The following PCDHA10 variants were observed in gnomAD, a reference collection of about 807,000 sequenced individuals.
PCDHA10 encodes the protein protocadherin alpha 10.
PCDHA10 carries 45 observed loss-of-function variants against 61.2 expected under a neutral mutation model. The ratio of observed to expected loss-of-function variants is 0.74; its 90% CI spans 0.58 to 0.94. The LOEUF (loss-of-function observed/expected upper bound fraction) is 0.94, where lower values mean the gene tolerates loss of function less well. PCDHA10 is among the 40% of genes least tolerant of loss of function. The pLI is 0.00. For missense variants in PCDHA10, 1,278 were observed against 1,236.2 expected (o/e 1.03, Z -0.51); for synonymous variants, 602 against 548.8 (o/e 1.10, Z -1.35).
Position 140,978,933 on chromosome 5 carries a change from CTT to C in PCDHA10, c.2389-14_2389-13del, listed in dbSNP as rs1179085898. On this transcript the variant is annotated splice_polypyrimidine_tract_variant and intron_variant, in intron 1 of 3. Coordinates refer to ENST00000307360, the MANE Select transcript of PCDHA10 (RefSeq NM_018901.4). The stretch of plus-strand genomic sequence containing the variant: ...TCTTGTCATTTTAACAGAAAACTCT[CTT>C]TGTGATTTTGCAGCCACGACAGCCC... 1.2e-6 allele frequency: 2 copies of C among 1,613,976 alleles called. No individual in the cohort carries two copies. The highest frequency in any genetic ancestry group is 2.7e-5 in the African/African-American group (2 of 74,920).
chr5:140,868,121 C>T (rs920378220), intron 1 of PCDHA10: 1 of 151,814 alleles, frequency 6.6e-6, no homozygotes, highest in Non-Finnish European at 1.5e-5. Flanking sequence ...AGTTGAAAAG[C>T]CTATTTCTGT....
At chr5:140,981,766 T>C (rs1321747581) in intron 2 of PCDHA10, among the ~76,000 whole-genome samples, 7 of 152,144 alleles carry the variant, frequency 4.6e-5, no homozygotes, top group Non-Finnish European at 1.0e-4. Flanking sequence ...CATACATAAA[T>C]GAATACTGCA....
intron 1 of PCDHA10, chr5:140,877,774 G>T (rs782686661): frequency 1.2e-6 from 2 of 1,614,176 alleles, no homozygotes; most frequent in South Asian, 2.2e-5. Context: ...GCCCAAGACG[G>T]ACCTCATGGC....
intron 1 of PCDHA10, chr5:140,926,922 T>A: frequency 6.4e-7 from 1 of 1,570,576 alleles, no homozygotes; most frequent in Non-Finnish European, 8.7e-7. Flanking sequence ...CAGTTTTATG[T>A]TTGTGGGTTT....
At chr5:140,925,537 A>G (rs1325632505) in intron 1 of PCDHA10, among the ~76,000 whole-genome samples, 4 of 152,070 alleles carry the variant, frequency 2.6e-5, no homozygotes, top group Non-Finnish European at 2.9e-5. Flanking sequence ...GAGGAGAAAT[A>G]CCTAATGTAA....
intron 1 of PCDHA10, chr5:140,877,128 G>C (rs782052511): frequency 3.1e-6 from 5 of 1,613,762 alleles, no homozygotes; most frequent in Non-Finnish European, 4.2e-6. Flanking sequence ...TGACGCTGCA[G>C]GTGTTCGTGC....
chr5:140,870,514 T>C lies in PCDHA10; in HGVS notation c.2388+12078T>C, dbSNP rs1554164347. ...CGTGAAGGAGAACAACCCACCAGGC[T>C]GCCACATCTTCACAGTGTCGGCGCG... On this transcript the variant is annotated intron_variant, in intron 1 of 3. Transcript: ENST00000307360. The C allele has an allele frequency of 3.7e-6, 6 of 1,614,224 alleles. No homozygotes were observed. In the East Asian group the frequency reaches 1.3e-4, roughly 36 times the overall value.
chr5:140,858,857 T>G (rs1461225886), intron 1 of PCDHA10: 1 of 267,642 alleles, frequency 3.7e-6, no homozygotes, highest in African/African-American at 2.3e-5. Flanking sequence ...CTATATCTCT[T>G]CAGTGAAAAT....
At chr5:140,953,258 T>C (rs1042358653) in intron 1 of PCDHA10, among the ~76,000 whole-genome samples, 22 of 152,304 alleles carry the variant, frequency 1.4e-4, no homozygotes, top group African/African-American at 5.3e-4. Context: ...TTAGTTCTTT[T>C]AGCTTTAGCC....
intron 1 of PCDHA10, among the ~76,000 whole-genome samples, chr5:140,915,080 G>T (rs1279074888): frequency 6.6e-6 from 1 of 151,664 alleles, no homozygotes; most frequent in Non-Finnish European, 1.5e-5. Context: ...TGAGTAGCTG[G>T]GACTATGGGC....
intron 1 of PCDHA10, among the ~76,000 whole-genome samples, chr5:140,918,211 C>T (rs1554198470): frequency 6.6e-6 from 1 of 152,046 alleles, no homozygotes; most frequent in African/African-American, 2.4e-5. Context: ...TGTTGGTGTA[C>T]AGAAATGCTG....
chr5:140,869,332 G>T (rs1554162910), intron 1 of PCDHA10: 1 of 1,613,960 alleles, frequency 6.2e-7, no homozygotes, highest in South Asian at 1.1e-5. Context: ...CCTTCTGGAG[G>T]TAAATCTGCA....
intron 1 of PCDHA10, among the ~76,000 whole-genome samples, chr5:140,958,679 A>G (rs1317780380): frequency 6.6e-6 from 1 of 152,200 alleles, no homozygotes; most frequent in Non-Finnish European, 1.5e-5. Context: ...ATTATAAAGG[A>G]TATTGAATAT....
chr5:140,948,497 C>G (rs1181465701), intron 1 of PCDHA10, among the ~76,000 whole-genome samples: 2 of 151,510 alleles, frequency 1.3e-5, no homozygotes, highest in Non-Finnish European at 3.0e-5. Context: ...CTTTCATAGA[C>G]TTTCTATTAA....
intron 1 of PCDHA10, chr5:140,926,929 G>A (rs1554203825): frequency 6.3e-7 from 1 of 1,575,722 alleles, no homozygotes; most frequent in South Asian, 1.2e-5. Flanking sequence ...ATGTTTGTGG[G>A]TTTCCTGCGG....
intron 1 of PCDHA10, chr5:140,865,673 C>A (rs1438550706): frequency 6.6e-6 from 1 of 152,132 alleles, no homozygotes; most frequent in Non-Finnish European, 1.5e-5. Flanking sequence ...ATAACAATTT[C>A]TAAAGTACAT....
At chr5:140,956,085 A>T (rs1338013265) in intron 1 of PCDHA10, among the ~76,000 whole-genome samples, 1 of 152,214 alleles carries the variant, frequency 6.6e-6, no homozygotes, top group Admixed American at 6.5e-5. Context: ...GGATCATGTC[A>T]TCTGCAAACA....
At chr5:140,928,319 A>AGAAT (rs1554205765) in intron 1 of PCDHA10, 1 of 1,614,082 alleles carries the variant, frequency 6.2e-7, no homozygotes, top group Non-Finnish European at 8.5e-7. Flanking sequence ...GACCTGGGGA[A>AGAAT]GAATGGCCTT....
At chr5:140,990,022 G>C (rs891983888) in intron 3 of PCDHA10, among the ~76,000 whole-genome samples, 1 of 152,156 alleles carries the variant, frequency 6.6e-6, no homozygotes, top group Non-Finnish European at 1.5e-5. Flanking sequence ...GCTAGGCAAA[G>C]GATGGGAGAA....
Sources: allele counts gnomAD v4.1 joint callset (sites outside exome capture counted in the v4.1 genomes callset), GRCh38; gene constraint gnomAD v4.1.1; transcripts MANE v1.5; gene names NCBI Gene and HGNC (gene_info 2026-07-23, HGNC 2026-07-21).